PTK7: variants seen among roughly 807,000 people sequenced by gnomAD.
The protein encoded by PTK7 is inactive tyrosine-protein kinase 7.
A neutral mutation model predicts 116.6 loss-of-function variants in PTK7; 39 were observed. The observed-to-expected ratio is 0.33, with a 90% CI of 0.26 to 0.44. The LOEUF (loss-of-function observed/expected upper bound fraction) is 0.44, where lower values mean the gene tolerates loss of function less well. PTK7 is among the 20% of genes least tolerant of loss of function. PTK7 has a pLI of 1.00. For synonymous variants in PTK7, 546 were observed against 563.6 expected, an observed-to-expected ratio of 0.97 and a Z score of 0.44; for missense variants, 1,169 against 1,425.6, an observed-to-expected ratio of 0.82 and a Z score of 2.90.
Position 43,129,913 on chromosome 6 carries a change from C to T in PTK7, c.470+84C>T. On this transcript the variant is annotated intron_variant, in intron 3 of 19. Coordinates refer to ENST00000230419, the MANE Select transcript of PTK7 (RefSeq NM_002821.5). The surrounding 1 kb of genome is among the most constrained non-coding windows in gnomAD (Gnocchi z 4.5). ...AATCTTGGACTCTATGCGGATGTTA[C>T]CTCGCTCCATTCTGTGACCACTCGT... 2.3e-6 allele frequency: 3 copies of T among 1,311,718 alleles called. No homozygotes were observed. The highest frequency in any genetic ancestry group is 2.5e-5 in the South Asian group (2 of 79,576). 81.3% of individuals were successfully genotyped at this position (1,311,718 alleles called of 1,614,324 possible). A position where few individuals can be genotyped will look rare whatever the true frequency, so the allele number is the denominator to read the frequency against.
At position 43,145,089 on chromosome 6, in the gene PTK7, C is replaced by A; in HGVS notation, c.2408-111C>A. 1.0e-6 allele frequency: 1 copy of A among 954,032 alleles called. No homozygotes were observed. The highest frequency in any genetic ancestry group is 2.5e-5 in the Admixed American group (1 of 39,676). 59.1% of individuals were successfully genotyped at this position (954,032 alleles called of 1,614,324 possible). A position where few individuals can be genotyped will look rare whatever the true frequency, so the allele number is the denominator to read the frequency against. On this transcript the variant is annotated intron_variant, in intron 15 of 19. Transcript: ENST00000230419. The surrounding 1 kb of genome is among the most constrained non-coding windows in gnomAD (Gnocchi z 4.8). Reference sequence around the variant, plus strand: ...GTCACAGCAGAACCGGGTCTCGTGCCCAGCCCAGGTGGGTGGGTCCCCACT... The same window carrying A: ...GTCACAGCAGAACCGGGTCTCGTGCACAGCCCAGGTGGGTGGGTCCCCACT...
chr6:43,102,992 C>T (rs970712930), intron 1 of PTK7, among the ~76,000 whole-genome samples: 2 of 152,102 alleles, frequency 1.3e-5, no homozygotes, highest in East Asian at 3.9e-4. Flanking sequence ...GCAGAGGTAC[C>T]TTTTTTACAT....
At chr6:43,102,033 TA>T in intron 1 of PTK7, among the ~76,000 whole-genome samples, 1 of 151,272 alleles carries the variant, frequency 6.6e-6, no homozygotes, top group Admixed American at 6.6e-5. Flanking sequence ...CCGTTTCTAC[TA>T]AAAAAAATAC....
intron 15 of PTK7, 58 bp downstream of exon 15, chr6:43,144,664 G>C: frequency 6.4e-7 from 1 of 1,555,964 alleles, no homozygotes; most frequent in Non-Finnish European, 8.7e-7. Context: ...GCTGTGTCTT[G>C]AGGCTGGGTA....
At position 43,154,729 on chromosome 6, in the gene PTK7, G is replaced by C. The variant is rs1211059137; in HGVS notation, c.2722-4088G>C. 1.3e-5 allele frequency among the ~76,000 whole-genome samples: 2 copies of C among 152,190 alleles called. 1 individual carries two copies. The highest frequency in any genetic ancestry group is 2.9e-5 in the Non-Finnish European group (2 of 68,030). On this transcript the variant is annotated intron_variant, in intron 17 of 19. Coordinates refer to ENST00000230419, the MANE Select transcript of PTK7 (RefSeq NM_002821.5). ...TGGAGTGTCCCCTCTCCTAGCGCTC[G>C]GGCTTGGCACCTCTGCTGGCCTTCT...
At chr6:43,088,866 T>C (rs1018159801) in intron 1 of PTK7, among the ~76,000 whole-genome samples, 1 of 152,168 alleles carries the variant, frequency 6.6e-6, no homozygotes, top group Non-Finnish European at 1.5e-5. Flanking sequence ...TCACAGGCAG[T>C]TGCAGGCCCT....
intron 1 of PTK7, among the ~76,000 whole-genome samples, chr6:43,123,949 ACACTAAGG>A (rs1218736377): frequency 6.6e-6 from 1 of 152,224 alleles, no homozygotes; most frequent in Non-Finnish European, 1.5e-5. Flanking sequence ...TGCAGAGGCC[ACACTAAGG>A]TAGCGTCACT....
In PTK7 at chr6:43,145,548, A is replaced by G; in HGVS notation, c.2640+116A>G. 1 of 744,484 alleles carries G rather than the reference A, an allele frequency of 1.3e-6. No homozygotes were observed. Among genetic ancestry groups the G allele is most frequent in the East Asian group, 3.0e-5 (1 of 33,252 alleles). The allele number at this position is 744,484 out of a possible 1,614,324, so 46.1% of individuals were successfully genotyped here. On this transcript the variant is annotated intron_variant, in intron 16 of 19. Transcript: ENST00000230419. The surrounding 1 kb of genome is among the most constrained non-coding windows in gnomAD (Gnocchi z 4.8). ...CTTGTCTCGTGCAGTCTCAGCCGAG[A>G]CCTCACCTGCCTGCTGTTACACTTT... is the stretch of plus-strand genomic sequence containing the variant.
intron 18 of PTK7, 88 bp downstream of exon 18, chr6:43,159,056 G>C: frequency 6.6e-7 from 1 of 1,526,126 alleles, no homozygotes; most frequent in Non-Finnish European, 8.9e-7. Context: ...GTGTGGGAAA[G>C]GGTTTAGTGC....
At chr6:43,081,272 T>G (rs1766361658) in intron 1 of PTK7, among the ~76,000 whole-genome samples, 1 of 152,264 alleles carries the variant, frequency 6.6e-6, no homozygotes, top group Non-Finnish European at 1.5e-5. Flanking sequence ...TGGACTGTCA[T>G]TCTTGCGACA....
At chr6:43,081,337 C>T (rs1766365525) in intron 1 of PTK7, among the ~76,000 whole-genome samples, 1 of 152,148 alleles carries the variant, frequency 6.6e-6, no homozygotes, top group South Asian at 2.1e-4. Context: ...AGGGGCTCTC[C>T]CATAGAGTTT....
intron 15 of PTK7, 76 bp downstream of exon 15, chr6:43,144,682 G>A: frequency 2.7e-6 from 4 of 1,497,148 alleles, no homozygotes; most frequent in Non-Finnish European, 3.6e-6. Context: ...GTACGGGCTA[G>A]TGTTCTGAAG....
chr6:43,082,655 T>C (rs2150369594), intron 1 of PTK7, among the ~76,000 whole-genome samples: 1 of 152,374 alleles, frequency 6.6e-6, no homozygotes, highest in East Asian at 1.9e-4. Flanking sequence ...TAACTCACTT[T>C]ATGCGAACAC....
intron 1 of PTK7, among the ~76,000 whole-genome samples, chr6:43,124,609 A>G (rs1482669831): frequency 6.6e-6 from 1 of 151,886 alleles, no homozygotes; most frequent in Non-Finnish European, 1.5e-5. Context: ...CCTGGAGGTC[A>G]AGGCTGCAGT....
intron 10 of PTK7, among the ~76,000 whole-genome samples, chr6:43,140,221 G>C (rs1770312926): frequency 6.6e-6 from 1 of 152,180 alleles, no homozygotes; most frequent in African/African-American, 2.4e-5. Flanking sequence ...AGCTGAGGTG[G>C]GTGGATCACG....
rs777250188 is a variant in PTK7 at position 43,139,117 on chromosome 6, C to G, written c.1363-19C>G. ...GTGGGTGTGGGTTCAGGCTCTGAGGCCTCTCACCTGTGCTGCAGGACTCAC... is the reference window on the plus strand; with the variant it reads ...GTGGGTGTGGGTTCAGGCTCTGAGGGCTCTCACCTGTGCTGCAGGACTCAC... On this transcript the variant is annotated intron_variant, in intron 8 of 19. Coordinates refer to ENST00000230419, the MANE Select transcript of PTK7 (RefSeq NM_002821.5). This position sits in a 1 kb window ranked among gnomAD's most constrained non-coding sequence, Gnocchi z 4.6. 1.2e-6 allele frequency: 2 copies of G among 1,613,924 alleles called. No homozygotes were observed. Among genetic ancestry groups the G allele is most frequent in the South Asian group, 2.2e-5 (2 of 91,044 alleles).
At chr6:43,093,543 A>T (rs1767073002) in intron 1 of PTK7, among the ~76,000 whole-genome samples, 1 of 152,114 alleles carries the variant, frequency 6.6e-6, no homozygotes, top group Non-Finnish European at 1.5e-5. Context: ...TGGGTCAGGC[A>T]GGCAGGAGAC....
intron 1 of PTK7, among the ~76,000 whole-genome samples, chr6:43,112,567 C>T (rs755933763): frequency 6.6e-6 from 1 of 152,106 alleles, no homozygotes; most frequent in Non-Finnish European, 1.5e-5. Flanking sequence ...TCCCTTACCA[C>T]CACACCTGGC....
At position 43,095,197 on chromosome 6, in the gene PTK7, TAAA is replaced by T. The variant is rs34914497; in HGVS notation, c.79+18652_79+18654del. On this transcript the variant is annotated intron_variant, in intron 1 of 19. Transcript: ENST00000230419. ...CAACATGGAGAAACCCAGTCTCTAC[TAAA>T]AAAAAAAAAAAAAAAAAAAAAGTTA... Among the ~76,000 whole-genome samples, 16 of 89,010 alleles carry T rather than the reference TAAA, an allele frequency of 1.8e-4. No individual in the cohort carries two copies. The South Asian group carries it at 2.0e-3, about 11-fold the overall frequency. The allele number at this position is 89,010 out of a possible 152,430, so 58.4% of individuals were successfully genotyped here. A position where few individuals can be genotyped will look rare whatever the true frequency, so the allele number is the denominator to read the frequency against.
Sources: gnomAD v4.1 joint callset for allele counts (sites outside exome capture counted in the v4.1 genomes callset) on GRCh38, gnomAD v4.1.1 for gene constraint, Gnocchi (gnomAD v3.1) non-coding constraint, MANE v1.5 for transcripts, NCBI Gene and HGNC (gene_info 2026-07-23, HGNC 2026-07-21) for gene names.